The following COG6 variants were observed in gnomAD, a reference collection of about 807,000 sequenced individuals.
COG6 encodes the protein conserved oligomeric Golgi complex subunit 6.
Under a neutral mutation model 88.8 loss-of-function variants are expected in COG6, and 74 were observed. The ratio of observed to expected loss-of-function variants is 0.83; its 90% CI spans 0.69 to 1.01. The LOEUF (loss-of-function observed/expected upper bound fraction) is 1.01, where lower values mean the gene tolerates loss of function less well. COG6 is among the 50% of genes least tolerant of loss of function. The pLI is 0.00. For synonymous variants in COG6, 286 were observed against 278.7 expected (o/e 1.03, Z -0.26); for missense variants, 800 against 797.9 (o/e 1.00, Z -0.03).
intron 18 of COG6, among the ~76,000 whole-genome samples, chr13:39,749,415 A>G (rs560836489): frequency 6.6e-6 from 1 of 152,348 alleles, no homozygotes; most frequent in Non-Finnish European, 1.5e-5. Context: ...CAATTTTTTA[A>G]GTACATTTTG....
At chr13:39,788,583 C>T in exon 19 of COG6, 4 of 558,612 alleles carry the variant, frequency 7.2e-6, no homozygotes, top group Admixed American at 6.1e-5. Context: ...TCATAATACG[C>T]ACACACACAG....
downstream of COG6, among the ~76,000 whole-genome samples, chr13:39,756,365 T>G (rs1880834384): frequency 6.6e-6 from 1 of 150,582 alleles, no homozygotes; most frequent in Admixed American, 6.6e-5. Flanking sequence ...GAAAAAAAAA[T>G]GAATGAAAGA....
chr13:39,658,994 G>A (rs533026570), intron 1 of COG6, among the ~76,000 whole-genome samples: 1 of 152,204 alleles, frequency 6.6e-6, no homozygotes, highest in East Asian at 1.9e-4. Flanking sequence ...TCTATGCCTT[G>A]ATGTTTCACT....
intron 13 of COG6, among the ~76,000 whole-genome samples, chr13:39,715,052 GA>G (rs1878451131): frequency 6.6e-6 from 1 of 152,078 alleles, no homozygotes; most frequent in South Asian, 2.1e-4. Context: ...TGGAGACTCA[GA>G]AGGGGGAGAG....
chr13:39,710,177 C>A (rs936156483), intron 13 of COG6, among the ~76,000 whole-genome samples: 1 of 152,078 alleles, frequency 6.6e-6, no homozygotes, highest in Non-Finnish European at 1.5e-5. Context: ...CTCTCACTAA[C>A]CTTTCATAGT....
chr13:39,782,104 G>T (rs1881647122), intron 18 of COG6, among the ~76,000 whole-genome samples: 1 of 152,046 alleles, frequency 6.6e-6, no homozygotes, highest in Non-Finnish European at 1.5e-5. Flanking sequence ...ACACATATTG[G>T]GTAAAGGGGA....
chr13:39,741,828 G>GA (rs1880059641), intron 18 of COG6, among the ~76,000 whole-genome samples: 1 of 151,904 alleles, frequency 6.6e-6, no homozygotes, highest in African/African-American at 2.4e-5. Context: ...TGAAATGAAG[G>GA]AAAAAATGTT....
At chr13:39,754,650 A>G (rs879522188), downstream of COG6, among the ~76,000 whole-genome samples, 1 of 152,214 alleles carries the variant, frequency 6.6e-6, no homozygotes, top group South Asian at 2.1e-4. Context: ...AGAACTCAAT[A>G]TATGAGAGCT....
chr13:39,658,607 G>A (rs761458477), intron 1 of COG6, among the ~76,000 whole-genome samples: 40 of 151,982 alleles, frequency 2.6e-4, no homozygotes, highest in African/African-American at 6.8e-4. Flanking sequence ...AATATAAATC[G>A]TATTACATTA....
intron 8 of COG6, 147 bp from the exon 9 acceptor site, chr13:39,687,356 T>G (rs1876708381): frequency 4.1e-6 from 3 of 734,502 alleles, no homozygotes; most frequent in Non-Finnish European, 7.0e-6. Context: ...ATTTTTTTCT[T>G]GTTTGAAAGC....
In COG6 at chr13:39,680,057, CT is replaced by C; in HGVS notation, c.694+16del. The C allele has an allele frequency of 6.6e-7, 1 of 1,508,882 alleles. No homozygotes were observed. The highest frequency in any genetic ancestry group is 9.2e-7 in the Non-Finnish European group (1 of 1,086,868). The allele number at this position is 1,508,882 out of a possible 1,614,324, so 93.5% of individuals were successfully genotyped here. A position where few individuals can be genotyped will look rare whatever the true frequency, so the allele number is the denominator to read the frequency against. ...CCGATGGGCTCAAAGTAAGTGATTT[CT>C]TTTATGTTGTCTAGATTCATGAACA... On this transcript the variant is annotated intron_variant, in intron 7 of 18. Transcript: ENST00000455146.
intron 18 of COG6, among the ~76,000 whole-genome samples, chr13:39,759,607 TACTTACTTC>T (rs1880950366): frequency 1.3e-5 from 2 of 152,276 alleles, no homozygotes; most frequent in African/African-American, 4.8e-5. Context: ...TGAATTTGCA[TACTTACTTC>T]ACCTCTGAGA....
At chr13:39,694,795 GA>G in intron 12 of COG6, 70 bp downstream of exon 12, 4 of 838,604 alleles carry the variant, frequency 4.8e-6, no homozygotes, top group Middle Eastern at 2.4e-4. Context: ...CACAGTATAA[GA>G]TTTTTTTTTA....
At chr13:39,690,092 G>GA (rs869289087) in intron 11 of COG6, among the ~76,000 whole-genome samples, 3 of 82,902 alleles carry the variant, frequency 3.6e-5, no homozygotes, top group African/African-American at 1.2e-4. Context: ...ATTCAATTGA[G>GA]AAAAAAATCT....
At chr13:39,682,927 CT>C in intron 8 of COG6, among the ~76,000 whole-genome samples, 1 of 151,982 alleles carries the variant, frequency 6.6e-6, no homozygotes, top group South Asian at 2.1e-4. Flanking sequence ...ATTAATAATT[CT>C]GAAAACAGGA....
At chr13:39,777,290 A>G (rs532436970) in intron 18 of COG6, among the ~76,000 whole-genome samples, 4 of 152,300 alleles carry the variant, frequency 2.6e-5, no homozygotes, top group Non-Finnish European at 5.9e-5. Context: ...CCACTCCAGC[A>G]GTGAAGAGCA....
intron 1 of COG6, among the ~76,000 whole-genome samples, chr13:39,657,219 C>CG (rs1874573748): frequency 1.3e-5 from 2 of 152,250 alleles, no homozygotes; most frequent in Admixed American, 1.3e-4. Flanking sequence ...TTATTAGAGA[C>CG]GGGGTTTCTC....
chr13:39,693,280 C>T (rs899560671), intron 11 of COG6, among the ~76,000 whole-genome samples: 1 of 151,644 alleles, frequency 6.6e-6, no homozygotes, highest in South Asian at 2.1e-4. Flanking sequence ...TTCCTTTCTC[C>T]CTCCTTTCCC....
chr13:39,683,283 G>A (rs4334152), intron 8 of COG6, among the ~76,000 whole-genome samples: 100,447 of 151,996 alleles, frequency 0.66, 33,416 homozygotes, highest in Admixed American at 0.77. Context: ...GATGCTGTGT[G>A]GCTCAAGTAT....
Sources: gnomAD v4.1 joint callset for allele counts (sites outside exome capture counted in the v4.1 genomes callset) on GRCh38, gnomAD v4.1.1 for gene constraint, MANE v1.5 for transcripts, NCBI Gene and HGNC (gene_info 2026-07-23, HGNC 2026-07-21) for gene names.